RPP38: variants seen among roughly 807,000 people sequenced by gnomAD.
RPP38 encodes the protein ribonuclease P protein subunit p38.
A neutral mutation model predicts 1.7 loss-of-function variants in RPP38; 2 were observed. The observed-to-expected ratio is 1.18, with a 90% confidence interval of 0.48 to 3.70. RPP38 has a LOEUF of 3.70. Among genes scored for constraint, RPP38 ranks in the 30% most tolerant of loss-of-function variants. RPP38 has a pLI of 0.07. For missense variants in RPP38, 358 were observed against 340.1 expected, an observed-to-expected ratio of 1.05 and a Z score of -0.41; for synonymous variants, 151 against 131.8, an observed-to-expected ratio of 1.15 and a Z score of -1.00.
chr10:15,103,825 G>GTCATTGGCTTA lies in RPP38; in HGVS notation c.512_522dup (p.Lys175SerfsTer4). The GTCATTGGCTTA allele has an allele frequency of 6.2e-7, 1 of 1,614,052 alleles. No homozygotes were observed. Among genetic ancestry groups the GTCATTGGCTTA allele is most frequent in the South Asian group, 1.1e-5 (1 of 91,070 alleles). On this transcript the variant is annotated frameshift_variant, in exon 3 of 3. Transcript: ENST00000378197. LOFTEE classifies it low-confidence loss of function (END_TRUNC). ...CCGGCTCAGTGAGAGAATCGCCCCC[G>GTCATTGGCTTA]TCATTGGCTTAAAATGTGTTCTAGC... is the stretch of plus-strand genomic sequence containing the variant.
At position 15,103,523 on chromosome 10, in the gene RPP38, C is replaced by A. The variant is rs1845188342; in HGVS notation, c.209C>A (p.Pro70His). The A allele has an allele frequency of 6.2e-7, 1 of 1,613,900 alleles. No individual in the cohort carries two copies. Among genetic ancestry groups the A allele is most frequent in the African/African-American group, 1.3e-5 (1 of 74,902 alleles). Residue 70 changes from proline (P) to histidine (H), a missense_variant, in exon 3 of 3, where the codon CCT (proline) becomes CAT (histidine). Coordinates refer to ENST00000378197, the MANE Select transcript of RPP38 (RefSeq NM_183005.5). Reference protein sequence around the residue: ...IEDKKKKNKTPFLKKESREKC... With the variant: ...IEDKKKKNKTHFLKKESREKC... ...GATAAGAAGAAAAAGAACAAAACAC[C>A]TTTTCTGAAAAAAGAAAGCAGAGAG...
chr10:15,101,897 CA>C (rs149413624), intron 1 of RPP38, among the ~76,000 whole-genome samples: 1 of 151,026 alleles, frequency 6.6e-6, no homozygotes, highest in Non-Finnish European at 1.5e-5. Context: ...TCTCAAAAAA[CA>C]AAAAAAAGGG....
At chr10:15,098,884 CAA>C (rs781428605) in intron 1 of RPP38, among the ~76,000 whole-genome samples, 118 of 39,696 alleles carry the variant, frequency 3.0e-3, no homozygotes, top group Middle Eastern at 0.028. Context: ...GACTCCGTCT[CAA>C]AAAAAAAAAA....
intron 1 of RPP38, among the ~76,000 whole-genome samples, chr10:15,098,978 A>T (rs554421492): frequency 6.6e-6 from 1 of 151,546 alleles, no homozygotes; most frequent in Non-Finnish European, 1.5e-5. Flanking sequence ...TTCCCTAAGC[A>T]TACTGTTCCC....
chr10:15,101,697 C>T (rs1242334498), intron 1 of RPP38, among the ~76,000 whole-genome samples: 2 of 152,026 alleles, frequency 1.3e-5, no homozygotes, highest in Non-Finnish European at 2.9e-5. Flanking sequence ...TCGAGACCCG[C>T]CTGGCCAACA....
rs774803090 is a variant in RPP38 at position 15,103,398 on chromosome 10, A to G, written c.84A>G (p.Pro28=). The change falls in exon 3 of 3, where the codon CCA becomes CCG. Residue 28 remains proline (P), a synonymous_variant. Transcript: ENST00000378197. ...TTGTGAAGACGTCGTTGAACAACCC[A>G]TACATCATCCGCTGGAGCGCTCTGG... ...PLVVKTSLNN[P]YIIRWSALES... 3.1e-6 allele frequency: 5 copies of G among 1,614,206 alleles called. No individual in the cohort carries two copies. The highest frequency in any genetic ancestry group is 3.3e-5 in the Admixed American group (2 of 60,010).
At chr10:15,099,018 A>G (rs1233458076) in intron 1 of RPP38, among the ~76,000 whole-genome samples, 1 of 148,538 alleles carries the variant, frequency 6.7e-6, no homozygotes, top group African/African-American at 2.6e-5. Context: ...GCTTTATTGT[A>G]TAATTACTTG....
Position 15,104,056 on chromosome 10 carries a change from G to A in RPP38, c.742G>A (p.Asp248Asn). ...DLSKPKRKLADGRQASVTLQP... is the reference protein window; with the variant it reads ...DLSKPKRKLANGRQASVTLQP... ...GTCAAAACCTAAGAGAAAGCTTGCT[G>A]ACGGTCGGCAGGCTTCTGTAACATT... Residue 248 changes from aspartate to asparagine, a missense_variant, in exon 3 of 3, where the codon GAC becomes AAC. Coordinates refer to ENST00000378197, the MANE Select transcript of RPP38 (RefSeq NM_183005.5). 1 of 1,614,086 alleles carries A rather than the reference G, an allele frequency of 6.2e-7. No homozygotes were observed. The highest frequency in any genetic ancestry group is 8.5e-7 in the Non-Finnish European group (1 of 1,180,008).
At position 15,103,386 on chromosome 10, in the gene RPP38, G is replaced by A. The variant is rs749817137; in HGVS notation, c.72G>A (p.Ser24=). 2.4e-5 allele frequency: 38 copies of A among 1,613,634 alleles called. No homozygotes were observed. In the East Asian group the frequency reaches 4.2e-4, roughly 18 times the overall value. ...CGAGACCTCTGGTTGTGAAGACGTC[G>A]TTGAACAACCCATACATCATCCGCT... ...RKTRPLVVKT[S]LNNPYIIRWS... The change falls in exon 3 of 3, where the codon TCG becomes TCA. Residue 24 remains serine (S), a synonymous_variant. Transcript: ENST00000378197.
At chr10:15,101,903 A>G (rs1456873879) in intron 1 of RPP38, among the ~76,000 whole-genome samples, 2 of 152,082 alleles carry the variant, frequency 1.3e-5, no homozygotes, top group Non-Finnish European at 2.9e-5. Context: ...AAAACAAAAA[A>G]AAGGGAGTGT....
rs1845207665 is a variant in RPP38, at chr10:15,103,872, C to T, written c.558C>T (p.Thr186=). 2 of 1,613,992 alleles carry T rather than the reference C, an allele frequency of 1.2e-6. No homozygotes were observed. Among genetic ancestry groups the T allele is most frequent in the Admixed American group, 1.7e-5 (1 of 59,976 alleles). Residue 186 remains threonine (T), a synonymous_variant, in exon 3 of 3, where the codon ACC becomes ACT. Coordinates refer to ENST00000378197, the MANE Select transcript of RPP38 (RefSeq NM_183005.5). The part of the protein sequence containing the change: ...CVLALAFKKN[T]TDFVDEVRAI... The stretch of plus-strand genomic sequence containing the variant: ...TAGCCTTGGCGTTCAAAAAGAACAC[C>T]ACTGACTTTGTGGACGAAGTAAGAG...
chr10:15,103,546 G>C lies in RPP38; in HGVS notation c.232G>C (p.Glu78Gln). Reference protein sequence around the residue: ...KTPFLKKESREKCSIAVDISE... With the variant: ...KTPFLKKESRQKCSIAVDISE... ...ACCTTTTCTGAAAAAAGAAAGCAGA[G>C]AGAAATGCAGCATTGCTGTTGATAT... Residue 78 changes from glutamate to glutamine, a missense_variant, in exon 3 of 3, where the codon GAG (glutamate) becomes CAG (glutamine). Transcript: ENST00000378197. 1 of 1,614,102 alleles carries C rather than the reference G, an allele frequency of 6.2e-7. No individual in the cohort carries two copies.
chr10:15,097,604 A>G lies in RPP38; in HGVS notation c.-292A>G, dbSNP rs1844975453. On this transcript the variant is annotated 5_prime_UTR_variant, in exon 1 of 3. Coordinates refer to ENST00000378197, the MANE Select transcript of RPP38 (RefSeq NM_183005.5). ...TCCCGGGCCGGGCGCGTGCACCCAG[A>G]GCTTCCGCGTTTCTAGTCCGGCTCC... The G allele has an allele frequency of 6.6e-6, 1 of 152,238 alleles. No homozygotes were observed. The highest frequency in any genetic ancestry group is 6.5e-5 in the Admixed American group (1 of 15,284). The allele number at this position is 152,238 out of a possible 1,614,324, so 9.4% of individuals were successfully genotyped here.
At chr10:15,098,269 G>A (rs1233548663) in intron 1 of RPP38, among the ~76,000 whole-genome samples, 1 of 125,184 alleles carries the variant, frequency 8.0e-6, no homozygotes, top group Non-Finnish European at 1.6e-5. Flanking sequence ...CAGTCGCCCA[G>A]GCTGGAGTGC....
At chr10:15,101,156 T>C (rs58602460) in intron 1 of RPP38, among the ~76,000 whole-genome samples, 2,136 of 152,314 alleles carry the variant, frequency 0.014, 56 homozygotes, top group African/African-American at 0.049. Context: ...GTTGTGACTT[T>C]AGGCAGTGAG....
rs1845189366 is a variant in RPP38, at chr10:15,103,543, A to G, written c.229A>G (p.Arg77Gly). 4.3e-6 allele frequency: 7 copies of G among 1,614,068 alleles called. No individual in the cohort carries two copies. Among genetic ancestry groups the G allele is most frequent in the Non-Finnish European group, 5.9e-6 (7 of 1,180,040 alleles). The change falls in exon 3 of 3, where the codon AGA becomes GGA. Residue 77 changes from arginine (R) to glycine (G), a missense_variant. Arg to Gly is a moderately radical substitution (Grantham distance 125). Transcript: ENST00000378197. ...AACACCTTTTCTGAAAAAAGAAAGC[A>G]GAGAGAAATGCAGCATTGCTGTTGA... Reference protein sequence around the residue: ...NKTPFLKKESREKCSIAVDIS... With the variant: ...NKTPFLKKESGEKCSIAVDIS...
chr10:15,098,365 C>T (rs1394463019), intron 1 of RPP38, among the ~76,000 whole-genome samples: 1 of 149,930 alleles, frequency 6.7e-6, no homozygotes, highest in South Asian at 2.1e-4. Flanking sequence ...GCTGGGACTA[C>T]AGGCGCCTGC....
rs1196518808 is a variant in RPP38, at chr10:15,103,507, A to T, written c.193A>T (p.Lys65Ter). ...IGLQKIEDKK[K>*]KNKTPFLKKE... ...ACTTCAGAAGATTGAAGATAAGAAG[A>T]AAAAGAACAAAACACCTTTTCTGAA... The change falls in exon 3 of 3, where the codon AAA becomes TAA. Residue 65 changes from lysine to a stop codon, truncating the protein, a stop_gained. Transcript: ENST00000378197. LOFTEE classifies it low-confidence loss of function (END_TRUNC). 6.2e-7 allele frequency: 1 copy of T among 1,613,964 alleles called. No homozygotes were observed. Among genetic ancestry groups the T allele is most frequent in the African/African-American group, 1.3e-5 (1 of 74,900 alleles).
At chr10:15,099,116 C>T (rs1353038252) in intron 1 of RPP38, among the ~76,000 whole-genome samples, 2 of 152,070 alleles carry the variant, frequency 1.3e-5, no homozygotes, top group South Asian at 2.1e-4. Context: ...CGTGGATAAT[C>T]GATAAATATT....
Sources: allele counts gnomAD v4.1 joint callset (sites outside exome capture counted in the v4.1 genomes callset), GRCh38; gene constraint gnomAD v4.1.1; transcripts MANE v1.5; gene names NCBI Gene and HGNC (gene_info 2026-07-23, HGNC 2026-07-21).